The following SLC23A2 variants were observed in gnomAD, a reference collection of about 807,000 sequenced individuals.
SLC23A2 encodes the protein solute carrier family 23 member 2, also known as Na(+)/L-ascorbic acid transporter 2.
SLC23A2 carries 36 observed loss-of-function variants against 73.3 expected under a neutral mutation model. The observed-to-expected ratio is 0.49, with a 90% CI of 0.38 to 0.65. The LOEUF (loss-of-function observed/expected upper bound fraction) is 0.65, where lower values mean the gene tolerates loss of function less well. SLC23A2 is among the 30% of genes least tolerant of loss of function. The pLI is 0.00. For missense variants in SLC23A2, 507 were observed against 841.6 expected (o/e 0.60, Z 4.92); for synonymous variants, 343 against 327.3 (o/e 1.05, Z -0.52).
At chr20:4,867,625 T>TAA (rs11476144) in intron 13 of SLC23A2, 145 bp downstream of exon 13, 2,094 of 294,646 alleles carry the variant, frequency 7.1e-3, no homozygotes, top group South Asian at 0.011. Flanking sequence ...TATAAACACT[T>TAA]AAAAAAAAAA....
intron 3 of SLC23A2, among the ~76,000 whole-genome samples, chr20:4,914,869 G>A (rs1297068426): frequency 1.3e-5 from 2 of 151,906 alleles, no homozygotes; most frequent in African/African-American, 2.4e-5. Context: ...GTGAAACCCC[G>A]TCTCTACTAA....
In SLC23A2 at chr20:4,872,933, T is replaced by G. The variant is rs1202316020; in HGVS notation, c.1102+1003A>C. The stretch of plus-strand genomic sequence containing the variant: ...TCAGGCCTGGCTCATTTTTGTATTT[T>G]TGTAGAGATGGGGTTTCACCATGTT... On this transcript the variant is annotated intron_variant, in intron 11 of 16. Transcript: ENST00000338244. This position sits in a 1 kb window ranked among gnomAD's most constrained non-coding sequence, Gnocchi z 4.4. Among the ~76,000 whole-genome samples, 1 of 152,076 alleles carries G rather than the reference T, an allele frequency of 6.6e-6. No homozygotes were observed. Among genetic ancestry groups the G allele is most frequent in the African/African-American group, 2.4e-5 (1 of 41,394 alleles).
In SLC23A2 at chr20:4,857,309, C is replaced by T. The variant is rs975914108; in HGVS notation, c.1721-105G>A. Reference sequence around the variant, plus strand: ...ACACACACACACACACACACACACACACACACACACACACACACACACACA... The same window carrying T: ...ACACACACACACACACACACACACATACACACACACACACACACACACACA... On this transcript the variant is annotated intron_variant, in intron 16 of 16. Coordinates refer to ENST00000338244, the MANE Select transcript of SLC23A2 (RefSeq NM_005116.6). The surrounding 1 kb of genome is among the most constrained non-coding windows in gnomAD (Gnocchi z 4.0). The T allele has an allele frequency of 1.7e-6, 1 of 594,202 alleles. No homozygotes were observed. Among genetic ancestry groups the T allele is most frequent in the Non-Finnish European group, 3.0e-6 (1 of 336,508 alleles). 36.8% of individuals were successfully genotyped at this position (594,202 alleles called of 1,614,324 possible). A position where few individuals can be genotyped will look rare whatever the true frequency, so the allele number is the denominator to read the frequency against.
chr20:4,922,699 A>G (rs1482599960), intron 3 of SLC23A2, among the ~76,000 whole-genome samples: 1 of 152,058 alleles, frequency 6.6e-6, no homozygotes, highest in Non-Finnish European at 1.5e-5. Context: ...ATGGTCGTGC[A>G]TGCCTGTAGT....
intron 1 of SLC23A2, among the ~76,000 whole-genome samples, chr20:4,983,292 C>CA (rs1244282721): frequency 3.3e-5 from 5 of 151,572 alleles, no homozygotes; most frequent in Non-Finnish European, 7.4e-5. Flanking sequence ...AAATCACAAG[C>CA]AAAAAAAGAA....
At chr20:4,989,282 A>G (rs1011937508) in intron 1 of SLC23A2, among the ~76,000 whole-genome samples, 1 of 150,550 alleles carries the variant, frequency 6.6e-6, no homozygotes, top group African/African-American at 2.4e-5. Flanking sequence ...AGGAAGGAGG[A>G]AAAAAAAAGA....
upstream of SLC23A2, among the ~76,000 whole-genome samples, chr20:5,004,658 A>G (rs2088169858): frequency 6.6e-6 from 1 of 152,084 alleles, no homozygotes; most frequent in Non-Finnish European, 1.5e-5. Context: ...CACACTAGGC[A>G]ACATGGGGAG....
intron 3 of SLC23A2, among the ~76,000 whole-genome samples, chr20:4,917,172 A>G (rs1803148525): frequency 6.6e-6 from 1 of 152,178 alleles, no homozygotes. Flanking sequence ...GCCACAAAGA[A>G]ATGCCAAGAA....
At chr20:4,969,525 C>T (rs1007638369) in intron 2 of SLC23A2, among the ~76,000 whole-genome samples, 4 of 151,412 alleles carry the variant, frequency 2.6e-5, no homozygotes, top group Admixed American at 1.3e-4. Context: ...TAACATTTTA[C>T]ATCCACCATA....
intron 9 of SLC23A2, among the ~76,000 whole-genome samples, chr20:4,877,405 GA>G (rs1216956986): frequency 6.6e-6 from 1 of 152,110 alleles, no homozygotes; most frequent in African/African-American, 2.4e-5. Flanking sequence ...TGCAGCTTTA[GA>G]AAGAAAGAGA....
At chr20:4,873,257 C>T (rs1930517706) in intron 11 of SLC23A2, among the ~76,000 whole-genome samples, 1 of 152,132 alleles carries the variant, frequency 6.6e-6, no homozygotes, top group African/African-American at 2.4e-5. Context: ...TGACTAAGCT[C>T]AGGCTCCAAT....
intron 11 of SLC23A2, 37 bp from the exon 12 acceptor site, chr20:4,870,090 G>C (rs763206371): frequency 6.5e-7 from 1 of 1,542,688 alleles, no homozygotes; most frequent in Admixed American, 1.9e-5. Flanking sequence ...CTCCTAGAGA[G>C]GCAGGCGAAA....
intron 2 of SLC23A2, among the ~76,000 whole-genome samples, chr20:4,966,258 A>G (rs1315113463): frequency 2.0e-5 from 3 of 152,184 alleles, no homozygotes; most frequent in Non-Finnish European, 2.9e-5. Flanking sequence ...GGGAAGCTTT[A>G]GTAGCATCAT....
At chr20:4,960,615 A>G (rs2087366738) in intron 2 of SLC23A2, among the ~76,000 whole-genome samples, 1 of 152,266 alleles carries the variant, frequency 6.6e-6, no homozygotes, top group South Asian at 2.1e-4. Flanking sequence ...ACGCACACAC[A>G]CAAGATCTAC....
chr20:4,932,137 A>G (rs932720914), intron 3 of SLC23A2, among the ~76,000 whole-genome samples: 4 of 152,160 alleles, frequency 2.6e-5, no homozygotes, highest in African/African-American at 4.8e-5. Context: ...GTTGCACATT[A>G]TTTCCTAAGA....
chr20:4,929,192 G>T (rs527570070), intron 3 of SLC23A2, among the ~76,000 whole-genome samples: 1 of 152,162 alleles, frequency 6.6e-6, no homozygotes, highest in East Asian at 1.9e-4. Context: ...CCTGAGCCAA[G>T]GAGGTCGAGA....
chr20:4,934,142 T>C (rs1317975046), intron 2 of SLC23A2, among the ~76,000 whole-genome samples: 1 of 152,222 alleles, frequency 6.6e-6, no homozygotes, highest in African/African-American at 2.4e-5. Flanking sequence ...TGGTCGTTCT[T>C]GTTTGCATAT....
At chr20:4,934,735 C>A (rs947998955) in intron 2 of SLC23A2, among the ~76,000 whole-genome samples, 2 of 151,910 alleles carry the variant, frequency 1.3e-5, no homozygotes, top group African/African-American at 4.8e-5. Flanking sequence ...TGGTGGCAGG[C>A]GCCTGTAATC....
chr20:4,965,295 C>T (rs2087458216), intron 2 of SLC23A2, among the ~76,000 whole-genome samples: 1 of 152,112 alleles, frequency 6.6e-6, no homozygotes, highest in East Asian at 1.9e-4. Flanking sequence ...TCTTCATACT[C>T]GGTAAACCTA....
Sources: gnomAD v4.1 joint callset for allele counts (sites outside exome capture counted in the v4.1 genomes callset) on GRCh38, gnomAD v4.1.1 for gene constraint, Gnocchi (gnomAD v3.1) non-coding constraint, MANE v1.5 for transcripts, NCBI Gene and HGNC (gene_info 2026-07-23, HGNC 2026-07-21) for gene names.